Variants in BAZ1A observed in about 807,000 individuals in gnomAD.
BAZ1A encodes bromodomain adjacent to zinc finger domain protein 1A.
A neutral mutation model predicts 185.2 loss-of-function variants in BAZ1A; 50 were observed. The ratio of observed to expected loss-of-function variants is 0.27; its 90% CI spans 0.22 to 0.34. The LOEUF (loss-of-function observed/expected upper bound fraction) is 0.34, where lower values mean the gene tolerates loss of function less well. Ranked by LOEUF, BAZ1A falls within the 10% of genes least tolerant of loss-of-function variation. The pLI, the probability that BAZ1A is intolerant of heterozygous loss-of-function variation, is 1.00. For missense variants in BAZ1A, 1,356 were observed against 1,839.9 expected (o/e 0.74, Z 4.81); for synonymous variants, 571 against 615.6 (o/e 0.93, Z 1.07).
At chr14:34,777,655 A>AC (rs1223050280) in intron 17 of BAZ1A, among the ~76,000 whole-genome samples, 19 of 151,548 alleles carry the variant, frequency 1.3e-4, no homozygotes, top group African/African-American at 4.4e-4. Context: ...AAAAAAAAAA[A>AC]AAAAGGGAAA....
intron 3 of BAZ1A, among the ~76,000 whole-genome samples, chr14:34,849,262 G>C (rs572919435): frequency 6.6e-6 from 1 of 152,282 alleles, no homozygotes; most frequent in African/African-American, 2.4e-5. Context: ...TCCAGACTAG[G>C]TGACAGAGTG....
At chr14:34,759,330 G>A (rs924635563) in intron 24 of BAZ1A, among the ~76,000 whole-genome samples, 3 of 151,786 alleles carry the variant, frequency 2.0e-5, no homozygotes, top group East Asian at 2.0e-4. Context: ...ATAGGCACCC[G>A]CCACGGCGCC....
chr14:34,803,705 C>A (rs900328446), intron 6 of BAZ1A, among the ~76,000 whole-genome samples: 2 of 152,076 alleles, frequency 1.3e-5, no homozygotes, highest in African/African-American at 2.4e-5. Context: ...ACTGTATTAA[C>A]CTGATAAATT....
chr14:34,810,861 A>T, intron 5 of BAZ1A, 74 bp downstream of exon 5: 1 of 1,047,832 alleles, frequency 9.5e-7, no homozygotes, highest in Non-Finnish European at 1.4e-6. Flanking sequence ...CATTTGTTCT[A>T]CATCAGACCT....
intron 3 of BAZ1A, among the ~76,000 whole-genome samples, chr14:34,830,516 G>A (rs1038114698): frequency 1.2e-4 from 17 of 140,396 alleles, no homozygotes; most frequent in African/African-American, 3.5e-4. Flanking sequence ...ACTTGGCGGC[G>A]GGGGATGGCG....
At chr14:34,837,716 T>C (rs1157314478) in intron 3 of BAZ1A, among the ~76,000 whole-genome samples, 3 of 152,192 alleles carry the variant, frequency 2.0e-5, no homozygotes, top group African/African-American at 7.2e-5. Context: ...ACCAAATTAA[T>C]TAAAACTACC....
In BAZ1A at chr14:34,776,390, C is replaced by T; in HGVS notation, c.2362G>A (p.Glu788Lys). The T allele has an allele frequency of 6.2e-7, 1 of 1,614,056 alleles. No homozygotes were observed. Among genetic ancestry groups the T allele is most frequent in the Non-Finnish European group, 8.5e-7 (1 of 1,180,010 alleles). The change falls in exon 18 of 27, where the codon GAG becomes AAG. Residue 788 changes from glutamate (E) to lysine (K), a missense_variant. Coordinates refer to ENST00000360310, the MANE Select transcript of BAZ1A (RefSeq NM_013448.3). ...GCACTTTGGATTTTTTCTAAGAGCT[C>T]TTTCTCTTTTCGTTGGTGTTCCTGT... ...LKQEHQRKEKELLEKIQSAIA... is the reference protein window; with the variant it reads ...LKQEHQRKEKKLLEKIQSAIA...
intron 3 of BAZ1A, among the ~76,000 whole-genome samples, chr14:34,857,156 G>A (rs1015135261): frequency 7.2e-5 from 11 of 151,740 alleles, no homozygotes; most frequent in African/African-American, 1.4e-4. Context: ...ACAGGTGCCC[G>A]CCACTACGCC....
At chr14:34,867,509 C>A (rs977250482) in intron 2 of BAZ1A, among the ~76,000 whole-genome samples, 1 of 152,188 alleles carries the variant, frequency 6.6e-6, no homozygotes, top group Non-Finnish European at 1.5e-5. Context: ...AGACTTAACA[C>A]TGCCTAAAAA....
At position 34,762,019 on chromosome 14, in the gene BAZ1A, T is replaced by C. The variant is rs1886545163; in HGVS notation, c.3981A>G (p.Lys1327=). 1.2e-6 allele frequency: 2 copies of C among 1,614,212 alleles called. No homozygotes were observed. Among genetic ancestry groups the C allele is most frequent in the South Asian group, 1.1e-5 (1 of 91,086 alleles). ...TAGAACGACTGGCAATTCTTAAAGA[T>C]TTTGTTTCTGTAGGAGGAGCAGAGT... The part of the protein sequence containing the change: ...KINSAPPTET[K]SLRIASRSTR... Residue 1327 remains lysine (K), a synonymous_variant, in exon 24 of 27, where the codon AAA becomes AAG. Transcript: ENST00000360310.
chr14:34,823,666 A>G (rs1294700153), intron 4 of BAZ1A, among the ~76,000 whole-genome samples: 1 of 152,152 alleles, frequency 6.6e-6, no homozygotes, highest in Non-Finnish European at 1.5e-5. Flanking sequence ...CATCTCAAAA[A>G]AAAAATTTTT....
In BAZ1A at chr14:34,785,894, T is replaced by G. The variant is rs1255988978; in HGVS notation, c.1714A>C (p.Arg572=). ...TCAAATCCTCCTCGTTTTTGATATC[T>G]ATACTTTGCATTTGCTGATGTTACA... ...ADVTSANAKY[R]YQKRGGFDAT... Residue 572 remains arginine, a synonymous_variant, in exon 14 of 27, where the codon AGA becomes CGA. Transcript: ENST00000360310. 2 of 1,614,186 alleles carry G rather than the reference T, an allele frequency of 1.2e-6. No individual in the cohort carries two copies. The highest frequency in any genetic ancestry group is 1.3e-5 in the African/African-American group (1 of 75,056).
At chr14:34,832,099 T>C (rs551451642) in intron 3 of BAZ1A, among the ~76,000 whole-genome samples, 1 of 150,666 alleles carries the variant, frequency 6.6e-6, no homozygotes, top group African/African-American at 2.4e-5. Context: ...GAGGCTAAGG[T>C]TGGAGGATCA....
At chr14:34,821,773 T>A (rs1043680497) in intron 4 of BAZ1A, among the ~76,000 whole-genome samples, 1 of 151,822 alleles carries the variant, frequency 6.6e-6, no homozygotes, top group Non-Finnish European at 1.5e-5. Context: ...TCACCTGAGG[T>A]TGGGAGTTCG....
At chr14:34,863,635 T>G (rs1185174964) in intron 2 of BAZ1A, among the ~76,000 whole-genome samples, 1 of 152,064 alleles carries the variant, frequency 6.6e-6, no homozygotes, top group East Asian at 1.9e-4. Flanking sequence ...ATGCAAGAGA[T>G]CTATATCACA....
intron 24 of BAZ1A, among the ~76,000 whole-genome samples, chr14:34,759,171 G>GTTTTTTTTTTTTTTTTTTTTTTT (rs780287749): frequency 4.5e-5 from 3 of 66,470 alleles, no homozygotes; most frequent in African/African-American, 1.3e-4. Context: ...TACAGCTACA[G>GTTTTTTTTTTTTTTTTTTTTTTT]TTTTTTTTTT....
chr14:34,819,705 G>C (rs1001865031), intron 4 of BAZ1A, among the ~76,000 whole-genome samples: 1 of 152,102 alleles, frequency 6.6e-6, no homozygotes, highest in Non-Finnish European at 1.5e-5. Context: ...TCAATGTTTT[G>C]GAGGTTACAG....
chr14:34,817,650 GACAA>G (rs1434118554), intron 4 of BAZ1A, among the ~76,000 whole-genome samples: 1 of 152,046 alleles, frequency 6.6e-6, no homozygotes, highest in Admixed American at 6.6e-5. Context: ...ACAACAAAAA[GACAA>G]ACAACCCAAT....
chr14:34,808,818 T>C (rs1426244929), intron 5 of BAZ1A, among the ~76,000 whole-genome samples: 1 of 152,158 alleles, frequency 6.6e-6, no homozygotes, highest in Non-Finnish European at 1.5e-5. Context: ...GAAGTATTTT[T>C]GGGAAAAAGT....
Sources: gnomAD v4.1 joint callset for allele counts (sites outside exome capture counted in the v4.1 genomes callset) on GRCh38, gnomAD v4.1.1 for gene constraint, MANE v1.5 for transcripts, NCBI Gene and HGNC (gene_info 2026-07-23, HGNC 2026-07-21) for gene names.